The following HIVEP3 variants were observed in gnomAD, a reference collection of about 807,000 sequenced individuals.
HIVEP3 encodes the protein transcription factor HIVEP3.
In HIVEP3, 49 loss-of-function variants were observed where a neutral mutation model predicts 152.8. The observed-to-expected ratio is 0.32, with a 90% CI of 0.26 to 0.41. The LOEUF (loss-of-function observed/expected upper bound fraction) is 0.41, where lower values mean the gene tolerates loss of function less well. HIVEP3 is among the 10% of genes least tolerant of loss of function. The pLI, the probability that HIVEP3 is intolerant of heterozygous loss-of-function variation, is 1.00. For synonymous variants in HIVEP3, 1,269 were observed against 1,289.0 expected, an observed-to-expected ratio of 0.98 and a Z score of 0.33; for missense variants, 2,790 against 3,103.3, an observed-to-expected ratio of 0.90 and a Z score of 2.40.
chr1:41,851,993 G>A (rs1643618158), intron 1 of HIVEP3, among the ~76,000 whole-genome samples: 1 of 152,136 alleles, frequency 6.6e-6, no homozygotes, highest in Non-Finnish European at 1.5e-5. Flanking sequence ...CAAGGGATAG[G>A]GTGTTTGTGA....
chr1:41,747,538 A>G (rs1006692254), intron 1 of HIVEP3, among the ~76,000 whole-genome samples: 11 of 152,390 alleles, frequency 7.2e-5, no homozygotes, highest in African/African-American at 2.6e-4. Context: ...AAAATGACTT[A>G]TGATCCCATC....
intron 1 of HIVEP3, among the ~76,000 whole-genome samples, chr1:41,748,321 G>A (rs1647103833): frequency 6.6e-6 from 1 of 152,176 alleles, no homozygotes. Flanking sequence ...CCAGGGGCTA[G>A]GAAGGTGACC....
rs77699480 is a variant in HIVEP3, at chr1:41,634,323, A to T, written c.-720-5376T>A. Among the ~76,000 whole-genome samples, 1,557 of 152,348 alleles carry T rather than the reference A, an allele frequency of 0.01. 151 individuals are homozygous for T. The East Asian group carries it at 0.23, about 23-fold the overall frequency. ...AATTAGATACTATTTAATTCTTGAC[A>T]TCAATAGAGAAATCTGTGTAAAAAC... On this transcript the variant is annotated intron_variant, in intron 2 of 8. Transcript: ENST00000372583.
intron 1 of HIVEP3, among the ~76,000 whole-genome samples, chr1:41,880,339 G>T (rs1644241925): frequency 6.6e-6 from 1 of 152,104 alleles, no homozygotes; most frequent in South Asian, 2.1e-4. Flanking sequence ...CACCATGCCT[G>T]GCCCATCCTC....
intron 1 of HIVEP3, among the ~76,000 whole-genome samples, chr1:41,761,865 C>T (rs1647706643): frequency 6.6e-6 from 1 of 152,208 alleles, no homozygotes; most frequent in Non-Finnish European, 1.5e-5. Context: ...CCAAGGCAGA[C>T]AGGGGCAGAT....
At chr1:41,729,602 T>C (rs554833071) in intron 1 of HIVEP3, among the ~76,000 whole-genome samples, 2 of 152,302 alleles carry the variant, frequency 1.3e-5, no homozygotes, top group East Asian at 3.9e-4. Context: ...CCTTTCCAAC[T>C]CCCTACTCAT....
intron 5 of HIVEP3, among the ~76,000 whole-genome samples, chr1:41,526,273 T>A (rs1440885201): frequency 1.5e-5 from 2 of 129,082 alleles, no homozygotes; most frequent in Non-Finnish European, 3.3e-5. Context: ...ACCCACACAC[T>A]CACCCTCACA....
intron 1 of HIVEP3, among the ~76,000 whole-genome samples, chr1:41,850,205 C>T (rs1333374049): frequency 6.6e-6 from 1 of 152,182 alleles, no homozygotes; most frequent in Non-Finnish European, 1.5e-5. Flanking sequence ...TTGAGAACCA[C>T]TGGTCTACCA....
chr1:41,615,440 A>T (rs10789401), intron 3 of HIVEP3, among the ~76,000 whole-genome samples: 1 of 152,080 alleles, frequency 6.6e-6, no homozygotes, highest in Admixed American at 6.5e-5. Context: ...GCTAGAGGGC[A>T]CTTAAGTGGG....
At chr1:41,527,148 AC>A in intron 5 of HIVEP3, among the ~76,000 whole-genome samples, 1 of 123,992 alleles carries the variant, frequency 8.1e-6, no homozygotes, top group Non-Finnish European at 1.7e-5. Flanking sequence ...ACACACCCTC[AC>A]ATGCTCATCC....
chr1:41,782,595 G>A lies in HIVEP3; in HGVS notation c.-800-81600C>T, dbSNP rs1034593528. ...AAAAATACAAAAATTAGCTGGGCGT[G>A]GTGGTGGGCACCTGTAATCCCAGCT... On this transcript the variant is annotated intron_variant, in intron 1 of 8. Coordinates refer to ENST00000372583, the MANE Select transcript of HIVEP3 (RefSeq NM_024503.5). 2.0e-5 allele frequency among the ~76,000 whole-genome samples: 3 copies of A among 152,060 alleles called. No homozygotes were observed. In the East Asian group the frequency reaches 5.8e-4, roughly 29 times the overall value.
At chr1:41,744,219 T>G (rs915623323) in intron 1 of HIVEP3, among the ~76,000 whole-genome samples, 1 of 152,122 alleles carries the variant, frequency 6.6e-6, no homozygotes, top group African/African-American at 2.4e-5. Context: ...TTTTGTATTT[T>G]TAGTAGAGAT....
intron 1 of HIVEP3, among the ~76,000 whole-genome samples, chr1:41,725,771 A>C (rs1646743240): frequency 6.6e-6 from 1 of 152,238 alleles, no homozygotes; most frequent in Non-Finnish European, 1.5e-5. Context: ...CCCATTTTGC[A>C]GATGAGGACA....
rs141285859 is a variant in HIVEP3, at chr1:41,511,056, G to C, written c.6616C>G (p.Arg2206Gly). The change falls in exon 9 of 9, where the codon CGG becomes GGG. Residue 2206 changes from arginine (R) to glycine (G), a missense_variant. Arg to Gly is a moderately radical substitution (Grantham distance 125). Transcript: ENST00000372583. This position sits in a 1 kb window ranked among gnomAD's most constrained non-coding sequence, Gnocchi z 4.9. ...AGCAGGGTGGGGTGGGCTCCTGGCC[G>C]GGCCTGCACCATCTGGATCCCACCG... ...PIGGIQMVQA[R>G]PGAHPTLLPG... 2.5e-6 allele frequency: 4 copies of C among 1,614,002 alleles called. No individual in the cohort carries two copies. Among genetic ancestry groups the C allele is most frequent in the African/African-American group, 1.3e-5 (1 of 75,046 alleles).
chr1:41,679,844 G>A (rs939349488), intron 2 of HIVEP3, among the ~76,000 whole-genome samples: 12 of 152,170 alleles, frequency 7.9e-5, no homozygotes, highest in African/African-American at 2.4e-4. Context: ...GCCTCTACTC[G>A]CTTGCCACAG....
chr1:42,001,296 G>A (rs950123776), intron 1 of HIVEP3, among the ~76,000 whole-genome samples: 15 of 152,216 alleles, frequency 9.9e-5, no homozygotes, highest in Non-Finnish European at 1.5e-4. Context: ...GTCTGTCCGC[G>A]TAGCCCCAAC....
At chr1:41,622,452 G>A (rs529522436) in intron 3 of HIVEP3, among the ~76,000 whole-genome samples, 1 of 152,226 alleles carries the variant, frequency 6.6e-6, no homozygotes, top group East Asian at 1.9e-4. Flanking sequence ...CTGAGCTAAG[G>A]GTCTGGATTC....
In HIVEP3 at chr1:41,918,126, C is replaced by G. The variant is rs1644901724; in HGVS notation, c.-801+287G>C. Among the ~76,000 whole-genome samples the G allele has an allele frequency of 6.6e-6, 1 of 151,452 alleles. No homozygotes were observed. The highest frequency in any genetic ancestry group is 2.1e-4 in the South Asian group (1 of 4,822). Reference sequence around the variant, plus strand: ...TACAGCCCCGCCGCCGCCGCCGCCGCCGCCGCCTGTGATTGACGCGCGGGG... The same window carrying G: ...TACAGCCCCGCCGCCGCCGCCGCCGGCGCCGCCTGTGATTGACGCGCGGGG... On this transcript the variant is annotated intron_variant, in intron 1 of 8. Coordinates refer to ENST00000372583, the MANE Select transcript of HIVEP3 (RefSeq NM_024503.5). The surrounding 1 kb of genome is among the most constrained non-coding windows in gnomAD (Gnocchi z 4.3).
intron 1 of HIVEP3, among the ~76,000 whole-genome samples, chr1:41,979,848 T>C (rs1645284881): frequency 6.6e-6 from 1 of 152,206 alleles, no homozygotes; most frequent in Non-Finnish European, 1.5e-5. Flanking sequence ...GTATCTACTA[T>C]AAAGAAAGAA....
Sources: allele counts gnomAD v4.1 joint callset (sites outside exome capture counted in the v4.1 genomes callset), GRCh38; gene constraint gnomAD v4.1.1; non-coding constraint Gnocchi (gnomAD v3.1); transcripts MANE v1.5; gene names NCBI Gene and HGNC (gene_info 2026-07-23, HGNC 2026-07-21).